Variants in GRIN2A observed in about 807,000 individuals in gnomAD.
GRIN2A encodes glutamate ionotropic receptor NMDA type subunit 2A, also known as glutamate receptor ionotropic, NMDA 2A.
A neutral mutation model predicts 113.4 loss-of-function variants in GRIN2A; 22 were observed. That is an observed-to-expected ratio of 0.19 (90% CI 0.14 to 0.28). GRIN2A has a LOEUF of 0.28. Ranked by LOEUF, GRIN2A falls within the 10% of genes least tolerant of loss-of-function variation. The pLI, the probability that GRIN2A is intolerant of heterozygous loss-of-function variation, is 1.00. For synonymous variants in GRIN2A, 827 were observed against 738.4 expected (o/e 1.12, Z -1.94); for missense variants, 1,502 against 1,887.0 (o/e 0.80, Z 3.78).
At position 9,761,134 on chromosome 16, in the gene GRIN2A, T is replaced by C. The variant is rs1249299628; in HGVS notation, c.*2015A>G. ...ACTGCCTCCCTCTGTCTCCCTATGATTGACCCTGAAATTTATTGCAACCAC... is the reference window on the plus strand; with the variant it reads ...ACTGCCTCCCTCTGTCTCCCTATGACTGACCCTGAAATTTATTGCAACCAC... On this transcript the variant is annotated 3_prime_UTR_variant, in exon 13 of 13. Transcript: ENST00000330684. 4.3e-6 allele frequency: 1 copy of C among 232,636 alleles called. No homozygotes were observed. The highest frequency in any genetic ancestry group is 8.5e-6 in the Non-Finnish European group (1 of 117,696). 14.4% of individuals were successfully genotyped at this position (232,636 alleles called of 1,614,324 possible). A position where few individuals can be genotyped will look rare whatever the true frequency, so the allele number is the denominator to read the frequency against.
chr16:10,078,392 C>A (rs2047915685), intron 2 of GRIN2A, among the ~76,000 whole-genome samples: 1 of 151,942 alleles, frequency 6.6e-6, no homozygotes. Context: ...ACTCAGGAGC[C>A]ACACATGTAG....
chr16:9,890,884 G>T, intron 4 of GRIN2A, 102 bp downstream of exon 4: 1 of 783,918 alleles, frequency 1.3e-6, no homozygotes, highest in Non-Finnish European at 2.3e-6. Context: ...GGGATCTAGA[G>T]CAGCTCAACA....
chr16:9,971,890 G>A (rs962027149), intron 2 of GRIN2A, among the ~76,000 whole-genome samples: 1 of 152,162 alleles, frequency 6.6e-6, no homozygotes, highest in Admixed American at 6.5e-5. Flanking sequence ...AAACATGGAA[G>A]AAGGGCTCAT....
chr16:9,782,697 G>C (rs981754659), intron 11 of GRIN2A, among the ~76,000 whole-genome samples: 1 of 152,182 alleles, frequency 6.6e-6, no homozygotes, highest in African/African-American at 2.4e-5. Context: ...ATTGATAACA[G>C]ACACTAAGAT....
chr16:9,991,039 C>T (rs1176413866), intron 2 of GRIN2A, among the ~76,000 whole-genome samples: 1 of 151,974 alleles, frequency 6.6e-6, no homozygotes, highest in Admixed American at 6.5e-5. Flanking sequence ...TACACTCCAG[C>T]CTGGGTGACA....
Position 9,764,268 on chromosome 16 carries a change from G to C in GRIN2A, c.3276C>G (p.Ser1092=), listed in dbSNP as rs775325646. 131 of 1,613,864 alleles carry C rather than the reference G, an allele frequency of 8.1e-5. No homozygotes were observed. Among genetic ancestry groups the C allele is most frequent in the Non-Finnish European group, 7.9e-5 (93 of 1,179,976 alleles). ...CCTCACTACAGTCCTTGGGGTATTTGGAGGCCACTGACCTTTTAAAGTTGT... is the reference window on the plus strand; with the variant it reads ...CCTCACTACAGTCCTTGGGGTATTTCGAGGCCACTGACCTTTTAAAGTTGT... The part of the protein sequence containing the change: ...TKDNFKRSVA[S]KYPKDCSEVE... The change falls in exon 13 of 13, where the codon TCC becomes TCG. Residue 1092 remains serine (S), a synonymous_variant. Transcript: ENST00000330684.
At chr16:10,181,700 G>C (rs555621502) in intron 1 of GRIN2A, 177 bp downstream of exon 1, 1 of 152,652 alleles carries the variant, frequency 6.6e-6, no homozygotes, top group South Asian at 2.1e-4. Flanking sequence ...GACGTTCCTG[G>C]GTAAGCGCCG....
chr16:9,893,948 C>T (rs2141491531), intron 3 of GRIN2A, among the ~76,000 whole-genome samples: 1 of 152,262 alleles, frequency 6.6e-6, no homozygotes, highest in East Asian at 1.9e-4. Flanking sequence ...AATTCAATGG[C>T]ATAGACACAT....
chr16:10,049,543 A>T (rs1411312620), intron 2 of GRIN2A, among the ~76,000 whole-genome samples: 1 of 151,878 alleles, frequency 6.6e-6, no homozygotes, highest in Non-Finnish European at 1.5e-5. Flanking sequence ...ACGCCCACCT[A>T]ATTTTTTGTA....
intron 7 of GRIN2A, among the ~76,000 whole-genome samples, chr16:9,837,116 C>G (rs1046456970): frequency 6.6e-6 from 1 of 152,106 alleles, no homozygotes; most frequent in African/African-American, 2.4e-5. Context: ...TTTGGCTCTT[C>G]CAGATGACTA....
At chr16:10,050,657 A>G (rs73508607) in intron 2 of GRIN2A, among the ~76,000 whole-genome samples, 1,701 of 152,122 alleles carry the variant, frequency 0.011, 45 homozygotes, top group African/African-American at 0.039. Flanking sequence ...TTCATTATAT[A>G]TTATAATGTA....
At position 10,005,016 on chromosome 16, in the gene GRIN2A, A is replaced by C. The variant is rs190511520; in HGVS notation, c.415-66465T>G. Among the ~76,000 whole-genome samples the C allele has an allele frequency of 5.2e-3, 797 of 152,362 alleles. 3 individuals are homozygous for C. The highest frequency in any genetic ancestry group is 8.7e-3 in the Non-Finnish European group (589 of 68,042). Reference sequence around the variant, plus strand: ...TGCCCATGAATTTTATTGAAAAGACAAAAGTAAAACGAAAATTTATTTTTA... The same window carrying C: ...TGCCCATGAATTTTATTGAAAAGACCAAAGTAAAACGAAAATTTATTTTTA... On this transcript the variant is annotated intron_variant, in intron 2 of 12. Transcript: ENST00000330684.
intron 2 of GRIN2A, among the ~76,000 whole-genome samples, chr16:10,118,981 G>A (rs1228686839): frequency 6.6e-6 from 1 of 152,190 alleles, no homozygotes; most frequent in South Asian, 2.1e-4. Context: ...AAAAGACAGT[G>A]AGATTTAGGG....
At chr16:9,795,109 A>G (rs1902895903) in intron 11 of GRIN2A, among the ~76,000 whole-genome samples, 1 of 152,168 alleles carries the variant, frequency 6.6e-6, no homozygotes. Context: ...CTTAAATAGT[A>G]GCTGGGTAAA....
chr16:10,080,031 T>C (rs2047949384), intron 2 of GRIN2A, among the ~76,000 whole-genome samples: 1 of 152,232 alleles, frequency 6.6e-6, no homozygotes, highest in South Asian at 2.1e-4. Flanking sequence ...TTGATGGCAC[T>C]TTTGTGCATA....
At chr16:10,076,102 A>AC in intron 2 of GRIN2A, among the ~76,000 whole-genome samples, 1 of 152,148 alleles carries the variant, frequency 6.6e-6, no homozygotes, top group African/African-American at 2.4e-5. Context: ...TTAGGATCGG[A>AC]CATAGGGCTA....
At chr16:10,011,381 C>A (rs1402133255) in intron 2 of GRIN2A, among the ~76,000 whole-genome samples, 3 of 152,198 alleles carry the variant, frequency 2.0e-5, no homozygotes, top group Admixed American at 6.5e-5. Flanking sequence ...AAAGTTACAA[C>A]TGACATCAGC....
chr16:10,114,999 A>G (rs1339207873), intron 2 of GRIN2A, among the ~76,000 whole-genome samples: 2 of 152,272 alleles, frequency 1.3e-5, no homozygotes, highest in Non-Finnish European at 2.9e-5. Flanking sequence ...GCATTAATCC[A>G]TCAACTGGCC....
At chr16:9,768,110 G>C (rs1006038048) in intron 12 of GRIN2A, among the ~76,000 whole-genome samples, 1 of 152,108 alleles carries the variant, frequency 6.6e-6, no homozygotes, top group Non-Finnish European at 1.5e-5. Context: ...GCTGGAGCTG[G>C]AGTTCAGTGG....
Sources: allele counts gnomAD v4.1 joint callset (sites outside exome capture counted in the v4.1 genomes callset), GRCh38; gene constraint gnomAD v4.1.1; transcripts MANE v1.5; gene names NCBI Gene and HGNC (gene_info 2026-07-23, HGNC 2026-07-21).